The following NRXN3 variants were observed in gnomAD, a reference collection of about 807,000 sequenced individuals.
The protein encoded by NRXN3 is neurexin III.
Under a neutral mutation model 137.6 loss-of-function variants are expected in NRXN3, and 32 were observed. That is an observed-to-expected ratio of 0.23 (90% CI 0.18 to 0.31). NRXN3 has a LOEUF of 0.31. NRXN3 is among the 10% of genes least tolerant of loss of function. NRXN3 has a pLI of 1.00. For synonymous variants in NRXN3, 798 were observed against 784.5 expected, an observed-to-expected ratio of 1.02 and a Z score of -0.29; for missense variants, 1,574 against 2,062.5, an observed-to-expected ratio of 0.76 and a Z score of 4.59.
intron 15 of NRXN3, among the ~76,000 whole-genome samples, chr14:79,292,690 AATG>A (rs1366147255): frequency 2.0e-5 from 3 of 152,234 alleles, no homozygotes; most frequent in Non-Finnish European, 4.4e-5. Flanking sequence ...GGGTGAAACT[AATG>A]AATACGTTAA....
chr14:79,806,896 C>T (rs1378108732), intron 20 of NRXN3, among the ~76,000 whole-genome samples: 3 of 123,222 alleles, frequency 2.4e-5, no homozygotes, highest in African/African-American at 9.2e-5. Context: ...ATTAAATTAG[C>T]TTGTTTTGTG....
chr14:78,675,953 GT>G (rs2098000636), intron 6 of NRXN3, among the ~76,000 whole-genome samples: 2 of 152,068 alleles, frequency 1.3e-5, no homozygotes, highest in Non-Finnish European at 2.9e-5. Context: ...TATCTTCGAT[GT>G]TACTATTGTA....
chr14:78,903,889 C>T (rs761792354), intron 10 of NRXN3, among the ~76,000 whole-genome samples: 14 of 152,008 alleles, frequency 9.2e-5, no homozygotes, highest in East Asian at 1.9e-4. Context: ...CCTCTGCACA[C>T]GTAAATGTGT....
intron 3 of NRXN3, among the ~76,000 whole-genome samples, chr14:78,294,632 A>G (rs1203680433): frequency 1.3e-5 from 2 of 152,012 alleles, no homozygotes; most frequent in Non-Finnish European, 2.9e-5. Context: ...CCTCAAAGTA[A>G]CTTTTGAGGT....
chr14:79,067,052 A>G (rs780548660), intron 15 of NRXN3, among the ~76,000 whole-genome samples: 1 of 152,100 alleles, frequency 6.6e-6, no homozygotes, highest in Non-Finnish European at 1.5e-5. Context: ...GCCAGTTTTC[A>G]GGGGGAATGT....
intron 10 of NRXN3, among the ~76,000 whole-genome samples, chr14:78,854,166 C>T (rs894733555): frequency 6.6e-6 from 1 of 152,176 alleles, no homozygotes; most frequent in African/African-American, 2.4e-5. Context: ...TGTCATATAT[C>T]CTTGGCAGCT....
intron 10 of NRXN3, among the ~76,000 whole-genome samples, chr14:78,874,231 C>T (rs1013272555): frequency 5.9e-5 from 9 of 152,108 alleles, no homozygotes; most frequent in South Asian, 4.1e-4. Flanking sequence ...CTTGGACTCC[C>T]GAAGTTCTGG....
intron 4 of NRXN3, among the ~76,000 whole-genome samples, chr14:78,595,096 A>G (rs535798610): frequency 1.3e-5 from 2 of 152,326 alleles, no homozygotes; most frequent in African/African-American, 4.8e-5. Flanking sequence ...TAAGAAGAAA[A>G]TGAAAGAGGA....
chr14:78,586,807 T>C (rs1340806055), intron 4 of NRXN3, among the ~76,000 whole-genome samples: 1 of 152,244 alleles, frequency 6.6e-6, no homozygotes, highest in East Asian at 1.9e-4. Flanking sequence ...TGGAAAGCTT[T>C]TGAGCAAACG....
At chr14:78,281,997 C>T (rs1454682340) in intron 3 of NRXN3, 3 of 394,634 alleles carry the variant, frequency 7.6e-6, no homozygotes, top group African/African-American at 2.1e-5. Flanking sequence ...AGTATGGCCA[C>T]AAGCACATGG....
intron 4 of NRXN3, among the ~76,000 whole-genome samples, chr14:78,348,418 A>G (rs1246770753): frequency 6.6e-6 from 1 of 152,232 alleles, no homozygotes; most frequent in Non-Finnish European, 1.5e-5. Context: ...AAGGATTCCA[A>G]GATGTGGAAA....
At chr14:79,336,542 T>C (rs921467311) in intron 15 of NRXN3, among the ~76,000 whole-genome samples, 9 of 152,206 alleles carry the variant, frequency 5.9e-5, no homozygotes, top group African/African-American at 2.2e-4. Context: ...TCAAATGTCC[T>C]TGCAGTCAGA....
At chr14:78,313,064 G>A (rs928982933) in intron 4 of NRXN3, among the ~76,000 whole-genome samples, 1 of 152,200 alleles carries the variant, frequency 6.6e-6, no homozygotes, top group Non-Finnish European at 1.5e-5. Flanking sequence ...CAGTGGTAGT[G>A]TGAAGGTCAC....
intron 10 of NRXN3, among the ~76,000 whole-genome samples, chr14:78,886,088 G>T (rs1429538514): frequency 2.0e-5 from 3 of 152,062 alleles, no homozygotes; most frequent in Non-Finnish European, 2.9e-5. Flanking sequence ...TAGTCAGAGG[G>T]TACCTAGTTG....
intron 4 of NRXN3, among the ~76,000 whole-genome samples, chr14:78,615,798 G>A (rs1601409208): frequency 6.6e-6 from 1 of 152,224 alleles, no homozygotes; most frequent in South Asian, 2.1e-4. Flanking sequence ...ACAATTAGTT[G>A]GATGTGGGCA....
chr14:78,590,782 G>A (rs1357170296), intron 4 of NRXN3, among the ~76,000 whole-genome samples: 1 of 152,106 alleles, frequency 6.6e-6, no homozygotes, highest in Non-Finnish European at 1.5e-5. Flanking sequence ...GGGTGTGGTG[G>A]CACGTGGCTG....
chr14:78,275,367 A>G (rs185551378), intron 2 of NRXN3, among the ~76,000 whole-genome samples: 31 of 152,074 alleles, frequency 2.0e-4, no homozygotes, highest in Non-Finnish European at 3.2e-4. Context: ...CATTGATAAA[A>G]CTCGCAGAAA....
intron 16 of NRXN3, among the ~76,000 whole-genome samples, chr14:79,603,674 G>C (rs2097956874): frequency 6.6e-6 from 1 of 151,024 alleles, no homozygotes; most frequent in East Asian, 2.0e-4. Flanking sequence ...GGTTTAACTA[G>C]TACCTTGCAC....
chr14:78,448,292 A>G (rs569325434), intron 4 of NRXN3, among the ~76,000 whole-genome samples: 156 of 152,290 alleles, frequency 1.0e-3, no homozygotes, highest in African/African-American at 3.3e-3. Context: ...ATTGCCCAAT[A>G]CCTGTTTTAA....
Sources: allele counts gnomAD v4.1 joint callset (sites outside exome capture counted in the v4.1 genomes callset), GRCh38; gene constraint gnomAD v4.1.1; transcripts MANE v1.5; gene names NCBI Gene and HGNC (gene_info 2026-07-23, HGNC 2026-07-21).